The following PTPRG variants were observed in gnomAD, a reference collection of about 807,000 sequenced individuals.
PTPRG encodes the protein receptor-type tyrosine-protein phosphatase gamma.
PTPRG carries 102 observed loss-of-function variants against 165.3 expected under a neutral mutation model. That is an observed-to-expected ratio of 0.62 (90% confidence interval 0.53 to 0.73). The LOEUF (loss-of-function observed/expected upper bound fraction) is 0.73, where lower values mean the gene tolerates loss of function less well. PTPRG is among the 30% of genes least tolerant of loss of function. PTPRG has a pLI of 0.00. For synonymous variants in PTPRG, 675 were observed against 669.5 expected (o/e 1.01, Z -0.13); for missense variants, 1,866 against 1,861.4 (o/e 1.00, Z -0.05).
intron 4 of PTPRG, among the ~76,000 whole-genome samples, chr3:62,023,908 C>A (rs2041753128): frequency 6.6e-6 from 1 of 151,900 alleles, no homozygotes; most frequent in African/African-American, 2.4e-5. Context: ...TGTTATTGTC[C>A]ACATTATTGC....
At chr3:62,137,336 A>G (rs9817328) in intron 6 of PTPRG, among the ~76,000 whole-genome samples, 1 of 150,756 alleles carries the variant, frequency 6.6e-6, no homozygotes, top group Non-Finnish European at 1.5e-5. Context: ...TCCATTTTTT[A>G]AAAAAAAAAT....
chr3:61,623,512 C>T (rs12635782), intron 1 of PTPRG, among the ~76,000 whole-genome samples: 19,013 of 152,094 alleles, frequency 0.13, 1,341 homozygotes, highest in African/African-American at 0.19. Flanking sequence ...AAGAGGCTCC[C>T]GACTCTCACC....
At chr3:61,682,203 T>C (rs563570859) in intron 1 of PTPRG, among the ~76,000 whole-genome samples, 4 of 141,800 alleles carry the variant, frequency 2.8e-5, no homozygotes, top group East Asian at 2.1e-4. Context: ...TTGGAAATAA[T>C]GGTGAACTGC....
intron 1 of PTPRG, among the ~76,000 whole-genome samples, chr3:61,707,358 A>G (rs1324852272): frequency 3.3e-5 from 5 of 152,340 alleles, no homozygotes; most frequent in South Asian, 2.1e-4. Context: ...ATGGGGGGTG[A>G]CAAGTTCCAA....
intron 5 of PTPRG, among the ~76,000 whole-genome samples, chr3:62,126,874 C>G (rs1006471864): frequency 1.3e-5 from 2 of 152,150 alleles, no homozygotes; most frequent in African/African-American, 4.8e-5. Context: ...GCCACATGTG[C>G]CAACATCTCT....
At chr3:61,815,818 T>C (rs551054186) in intron 2 of PTPRG, among the ~76,000 whole-genome samples, 3 of 152,322 alleles carry the variant, frequency 2.0e-5, no homozygotes, top group South Asian at 2.1e-4. Flanking sequence ...ACTGGGGATA[T>C]AGGAATGAAT....
chr3:61,928,782 T>C (rs950964855), intron 2 of PTPRG, among the ~76,000 whole-genome samples: 11 of 152,192 alleles, frequency 7.2e-5, no homozygotes, highest in African/African-American at 2.4e-4. Context: ...AGGGTTGATA[T>C]ATATTTATAG....
intron 2 of PTPRG, among the ~76,000 whole-genome samples, chr3:61,952,453 G>T (rs1348232643): frequency 2.0e-5 from 3 of 152,050 alleles, no homozygotes; most frequent in African/African-American, 7.2e-5. Context: ...CTATCTGCAG[G>T]CCCCTTCTCT....
rs1221643899 is a variant in PTPRG at position 61,587,913 on chromosome 3, C to T, written c.85+25541C>T. Reference sequence around the variant, plus strand: ...GGCTTAAGTGATCCTTCCATCTTGGCCTCACAAAGTGTTGGAATTCCAGGC... The same window carrying T: ...GGCTTAAGTGATCCTTCCATCTTGGTCTCACAAAGTGTTGGAATTCCAGGC... On this transcript the variant is annotated intron_variant, in intron 1 of 29. Transcript: ENST00000474889. Among the ~76,000 whole-genome samples, 3 of 152,106 alleles carry T rather than the reference C, an allele frequency of 2.0e-5. No individual in the cohort carries two copies. The East Asian group carries it at 5.8e-4, about 29-fold the overall frequency.
intron 1 of PTPRG, among the ~76,000 whole-genome samples, chr3:61,604,133 G>A (rs966563578): frequency 6.6e-6 from 1 of 152,154 alleles, no homozygotes; most frequent in African/African-American, 2.4e-5. Flanking sequence ...AGACCTGTCT[G>A]GCCAACATGG....
chr3:62,265,776 C>A (rs1208808685), intron 17 of PTPRG, among the ~76,000 whole-genome samples: 6 of 151,914 alleles, frequency 3.9e-5, no homozygotes, highest in Non-Finnish European at 8.8e-5. Context: ...TATCCAGATA[C>A]ACCTCCTTTC....
At chr3:61,965,702 G>A (rs1162166252) in intron 2 of PTPRG, among the ~76,000 whole-genome samples, 4 of 152,290 alleles carry the variant, frequency 2.6e-5, no homozygotes, top group East Asian at 1.9e-4. Context: ...TATTTAACAC[G>A]TAACATGCTC....
chr3:62,279,118 T>C (rs948690554), intron 26 of PTPRG, among the ~76,000 whole-genome samples: 4 of 152,202 alleles, frequency 2.6e-5, no homozygotes, highest in Non-Finnish European at 5.9e-5. Context: ...TGCACAGTTT[T>C]TCCTAAAGAT....
chr3:62,226,851 CTCTCTTTTACTCTAAG>C (rs1254931078), intron 13 of PTPRG, among the ~76,000 whole-genome samples: 1 of 152,188 alleles, frequency 6.6e-6, no homozygotes, highest in Non-Finnish European at 1.5e-5. Flanking sequence ...AGGAAAAGGT[CTCTCTTTTACTCTAAG>C]TCCCATCTTT....
chr3:62,281,538 C>CGTGTTTTTGTTTGTTTTTTTTTTTTT, intron 26 of PTPRG, 25 bp from the exon 27 acceptor site: 1 of 620,526 alleles, frequency 1.6e-6, no homozygotes, highest in East Asian at 1.1e-4. Flanking sequence ...ACTGCAGAGG[C>CGTGTTTTTGTTTGTTTTTTTTTTTTT]TTTTTTTTTT....
chr3:61,602,213 T>A (rs1369429898), intron 1 of PTPRG, among the ~76,000 whole-genome samples: 1 of 152,118 alleles, frequency 6.6e-6, no homozygotes, highest in Non-Finnish European at 1.5e-5. Context: ...GCTGTCTTAG[T>A]CAATAGGGTT....
chr3:62,099,861 C>T (rs1320127878), intron 5 of PTPRG, among the ~76,000 whole-genome samples: 3 of 139,554 alleles, frequency 2.1e-5, no homozygotes, highest in South Asian at 2.3e-4. Context: ...TGCAGTGGCG[C>T]GATCTTGGCT....
intron 3 of PTPRG, among the ~76,000 whole-genome samples, chr3:62,001,002 T>C (rs199984280): frequency 0.097 from 14,796 of 152,212 alleles, 1,219 homozygotes; most frequent in African/African-American, 0.22. Context: ...TTCCTGAGGT[T>C]ACCACTGTTA....
chr3:61,787,833 A>G (rs1032712433), intron 2 of PTPRG, among the ~76,000 whole-genome samples: 1 of 152,094 alleles, frequency 6.6e-6, no homozygotes, highest in Non-Finnish European at 1.5e-5. Flanking sequence ...ATTTGTGAAC[A>G]TGACGGCTTT....
Sources: allele counts gnomAD v4.1 joint callset (sites outside exome capture counted in the v4.1 genomes callset), GRCh38; gene constraint gnomAD v4.1.1; transcripts MANE v1.5; gene names NCBI Gene and HGNC (gene_info 2026-07-23, HGNC 2026-07-21).